CCDC50: variants seen among roughly 807,000 people sequenced by gnomAD.
The protein encoded by CCDC50 is coiled-coil domain containing 50, also known as coiled-coil domain-containing protein 50.
A neutral mutation model predicts 70.2 loss-of-function variants in CCDC50; 54 were observed. The observed-to-expected ratio is 0.77, with a 90% CI of 0.62 to 0.96. CCDC50 has a LOEUF of 0.96. CCDC50 is among the 50% of genes least tolerant of loss of function. The pLI is 0.00. For synonymous variants in CCDC50, 216 were observed against 198.8 expected, an observed-to-expected ratio of 1.09 and a Z score of -0.73; for missense variants, 558 against 578.7, an observed-to-expected ratio of 0.96 and a Z score of 0.37.
intron 1 of CCDC50, among the ~76,000 whole-genome samples, chr3:191,332,392 A>T (rs1718020135): frequency 6.6e-6 from 1 of 152,200 alleles, no homozygotes; most frequent in African/African-American, 2.4e-5. Context: ...GTAGGTGAAA[A>T]GAATCAAGTC....
intron 10 of CCDC50, among the ~76,000 whole-genome samples, chr3:191,389,054 C>T (rs1049286344): frequency 4.0e-5 from 6 of 151,476 alleles, no homozygotes; most frequent in African/African-American, 1.5e-4. Flanking sequence ...GTTTCTGTTT[C>T]CTCCCTCCTT....
intron 4 of CCDC50, among the ~76,000 whole-genome samples, chr3:191,362,095 C>T (rs540297903): frequency 1.3e-5 from 2 of 152,196 alleles, no homozygotes; most frequent in Admixed American, 6.5e-5. Context: ...TTACCATCAG[C>T]TATTATTTCC....
At chr3:191,385,398 T>C (rs1017201560) in intron 10 of CCDC50, among the ~76,000 whole-genome samples, 7 of 152,226 alleles carry the variant, frequency 4.6e-5, no homozygotes, top group Admixed American at 3.9e-4. Context: ...TTGATTTGCG[T>C]CTCTGATAAT....
chr3:191,362,299 T>C (rs1333936387), intron 4 of CCDC50, among the ~76,000 whole-genome samples: 1 of 152,060 alleles, frequency 6.6e-6, no homozygotes, highest in Non-Finnish European at 1.5e-5. Flanking sequence ...TAAACATTTT[T>C]TTTTTTGTAG....
At chr3:191,376,235 A>T (rs2108663851) in intron 6 of CCDC50, among the ~76,000 whole-genome samples, 1 of 152,130 alleles carries the variant, frequency 6.6e-6, no homozygotes, top group East Asian at 1.9e-4. Flanking sequence ...GATTCTTAGG[A>T]ACTTAAAAGT....
chr3:191,342,178 C>T (rs918843390), intron 1 of CCDC50, among the ~76,000 whole-genome samples: 6 of 152,078 alleles, frequency 3.9e-5, no homozygotes, highest in African/African-American at 1.2e-4. Context: ...TTCCGTAATC[C>T]AAGATTTCCA....
intron 1 of CCDC50, among the ~76,000 whole-genome samples, chr3:191,339,292 T>A (rs1576948475): frequency 6.6e-6 from 1 of 152,206 alleles, no homozygotes; most frequent in East Asian, 1.9e-4. Context: ...GTATTAGAAG[T>A]TAACACTGGT....
At chr3:191,344,774 T>C (rs1711852708) in intron 1 of CCDC50, among the ~76,000 whole-genome samples, 1 of 152,194 alleles carries the variant, frequency 6.6e-6, no homozygotes, top group Non-Finnish European at 1.5e-5. Flanking sequence ...AGACGAGATT[T>C]CACTCTGTTG....
chr3:191,376,851 A>C (rs1299634567), intron 6 of CCDC50, among the ~76,000 whole-genome samples: 1 of 152,164 alleles, frequency 6.6e-6, no homozygotes, highest in African/African-American at 2.4e-5. Flanking sequence ...GAGGTTTACA[A>C]GTTCCAAAGG....
chr3:191,331,041 G>A (rs577309344), intron 1 of CCDC50, among the ~76,000 whole-genome samples: 42 of 152,348 alleles, frequency 2.8e-4, no homozygotes, highest in African/African-American at 9.6e-4. Flanking sequence ...TCAAGACTAA[G>A]GAGGCTGAGC....
rs182066455 is a variant in CCDC50, at chr3:191,368,851, C to T, written c.331-1068C>T. Among the ~76,000 whole-genome samples, 3 of 152,204 alleles carry T rather than the reference C, an allele frequency of 2.0e-5. No homozygotes were observed. In the East Asian group the frequency reaches 5.8e-4, roughly 29 times the overall value. ...ATTGACTTCTCTCCTTAAAAGTGTG[C>T]ATGAACATATAAGTTTACAGGCTAT... On this transcript the variant is annotated intron_variant, in intron 4 of 11. Coordinates refer to ENST00000392455, the MANE Select transcript of CCDC50 (RefSeq NM_178335.3).
At chr3:191,346,246 A>G (rs1711920219) in intron 1 of CCDC50, among the ~76,000 whole-genome samples, 1 of 152,212 alleles carries the variant, frequency 6.6e-6, no homozygotes, top group Admixed American at 6.5e-5. Flanking sequence ...TAGAATAAAA[A>G]CATGTATCTC....
intron 9 of CCDC50, 92 bp downstream of exon 9, chr3:191,381,024 AGG>A: frequency 2.2e-6 from 2 of 914,792 alleles, no homozygotes; most frequent in Non-Finnish European, 3.4e-6. Flanking sequence ...AAATATATTT[AGG>A]ATATATGAAT....
chr3:191,388,301 C>T (rs755770733), intron 10 of CCDC50, among the ~76,000 whole-genome samples: 5 of 152,068 alleles, frequency 3.3e-5, no homozygotes, highest in African/African-American at 4.8e-5. Flanking sequence ...GATAAAAATA[C>T]ACACCTATGT....
At chr3:191,356,971 G>T in intron 1 of CCDC50, 117 bp from the exon 2 acceptor site, 2 of 732,484 alleles carry the variant, frequency 2.7e-6, no homozygotes, top group South Asian at 3.0e-5. Context: ...TATAAAGTGT[G>T]TCATTCTGAA....
At chr3:191,343,282 A>C (rs1193932426) in intron 1 of CCDC50, among the ~76,000 whole-genome samples, 1 of 152,180 alleles carries the variant, frequency 6.6e-6, no homozygotes, top group East Asian at 1.9e-4. Flanking sequence ...TAGTTTGTTT[A>C]AGATTATTTA....
At chr3:191,380,392 G>A in intron 7 of CCDC50, 118 bp downstream of exon 7, 2 of 763,490 alleles carry the variant, frequency 2.6e-6, no homozygotes, top group Non-Finnish European at 4.6e-6. Flanking sequence ...TTTTTTATGA[G>A]TGGAAAAATC....
intron 1 of CCDC50, among the ~76,000 whole-genome samples, 170 bp downstream of exon 1, chr3:191,329,893 T>C (rs1389569641): frequency 7.4e-6 from 1 of 134,544 alleles, no homozygotes; most frequent in Non-Finnish European, 1.6e-5. Context: ...GTGTGGGACG[T>C]TGGGCAAGTC....
rs751226478 is a variant in CCDC50 at position 191,391,809 on chromosome 3, T to A, written c.*49T>A. On this transcript the variant is annotated 3_prime_UTR_variant, in exon 12 of 12. Coordinates refer to ENST00000392455, the MANE Select transcript of CCDC50 (RefSeq NM_178335.3). ...ATGGACTCACTATAGCAAATATTAC[T>A]GGGTGATACAGAATGAATTCTACAC... 1.3e-6 allele frequency: 2 copies of A among 1,522,870 alleles called. No homozygotes were observed. The highest frequency in any genetic ancestry group is 9.1e-7 in the Non-Finnish European group (1 of 1,098,406). The allele number at this position is 1,522,870 out of a possible 1,614,324, so 94.3% of individuals were successfully genotyped here.
Sources: gnomAD v4.1 joint callset for allele counts (sites outside exome capture counted in the v4.1 genomes callset) on GRCh38, gnomAD v4.1.1 for gene constraint, MANE v1.5 for transcripts, NCBI Gene and HGNC (gene_info 2026-07-23, HGNC 2026-07-21) for gene names.